SEMA4D: variants seen among roughly 807,000 people sequenced by gnomAD.
SEMA4D encodes semaphorin 4D.
SEMA4D carries 22 observed loss-of-function variants against 74.8 expected under a neutral mutation model. That is an observed-to-expected ratio of 0.29 (90% CI 0.21 to 0.42). The LOEUF is 0.42. SEMA4D is among the 10% of genes least tolerant of loss of function. The pLI is 1.00. For synonymous variants in SEMA4D, 445 were observed against 463.7 expected (o/e 0.96, Z 0.52); for missense variants, 937 against 1,118.4 (o/e 0.84, Z 2.31).
chr9:89,469,836 A>C (rs557971069), intron 1 of SEMA4D, among the ~76,000 whole-genome samples: 21 of 152,366 alleles, frequency 1.4e-4, no homozygotes, highest in African/African-American at 4.8e-4. Context: ...GCTTTCACCG[A>C]AAGTCGGAAG....
chr9:89,396,801 G>A lies in SEMA4D; in HGVS notation c.350C>T (p.Pro117Leu). The change falls in exon 6 of 16, where the codon CCA (proline) becomes CTA (leucine). Residue 117 changes from proline to leucine, a missense_variant. Coordinates refer to ENST00000422704, the MANE Select transcript of SEMA4D (RefSeq NM_001371194.2). ...ECLNYIRVLQ[P>L]LSATSLYVCG... The stretch of plus-strand genomic sequence containing the variant: ...CACGTAAAGGGAAGTGGCGCTGAGT[G>A]GCTGCAGCACCCGGATGTAGTTGAG... 2 of 1,614,030 alleles carry A rather than the reference G, an allele frequency of 1.2e-6. No homozygotes were observed. The highest frequency in any genetic ancestry group is 1.7e-6 in the Non-Finnish European group (2 of 1,179,934).
intron 6 of SEMA4D, among the ~76,000 whole-genome samples, 156 bp downstream of exon 6, chr9:89,396,581 G>A (rs570667692): frequency 6.6e-6 from 1 of 152,364 alleles, no homozygotes; most frequent in East Asian, 1.9e-4. Context: ...AAGACTTTCA[G>A]AGGGGCCACA....
intron 1 of SEMA4D, among the ~76,000 whole-genome samples, chr9:89,462,996 C>CAT (rs1394805728): frequency 4.2e-5 from 2 of 47,332 alleles, no homozygotes; most frequent in Non-Finnish European, 9.3e-5. Flanking sequence ...GAAAGAGAGG[C>CAT]ATGTAAGAGA....
chr9:89,368,465 A>G (rs1387270066), intron 16 of SEMA4D: 1 of 152,726 alleles, frequency 6.5e-6, no homozygotes, highest in East Asian at 1.9e-4. Flanking sequence ...AATCCTGGCC[A>G]TGGCCCCTCC....
chr9:89,447,260 T>C (rs992910470), intron 2 of SEMA4D, among the ~76,000 whole-genome samples: 1 of 151,932 alleles, frequency 6.6e-6, no homozygotes, highest in African/African-American at 2.4e-5. Flanking sequence ...GAGACCTCCA[T>C]ATCCCCGGCT....
At chr9:89,462,218 G>A (rs144470323) in intron 1 of SEMA4D, among the ~76,000 whole-genome samples, 1 of 152,204 alleles carries the variant, frequency 6.6e-6, no homozygotes, top group Non-Finnish European at 1.5e-5. Flanking sequence ...ATCGCTTGGT[G>A]TGAGTGCACT....
chr9:89,434,605 ACT>A (rs1297960148), intron 2 of SEMA4D, among the ~76,000 whole-genome samples: 1 of 151,806 alleles, frequency 6.6e-6, no homozygotes, highest in Non-Finnish European at 1.5e-5. Flanking sequence ...TCATAAGAAA[ACT>A]CTGTGATTAC....
Position 89,433,670 on chromosome 9 carries a change from T to C in SEMA4D, c.-244+22218A>G, listed in dbSNP as rs140812220. ...GCTTCTGATAGAAGCAATCAGGTTC[T>C]GCCCAAGTACAGGGTGGATACCACC... is the stretch of plus-strand genomic sequence containing the variant. On this transcript the variant is annotated intron_variant, in intron 2 of 15. Coordinates refer to ENST00000422704, the MANE Select transcript of SEMA4D (RefSeq NM_001371194.2). Among the ~76,000 whole-genome samples, 20 of 152,314 alleles carry C rather than the reference T, an allele frequency of 1.3e-4. No individual in the cohort carries two copies. In the East Asian group the frequency reaches 3.7e-3, roughly 28 times the overall value.
chr9:89,494,339 C>A (rs1028864386), intron 1 of SEMA4D, among the ~76,000 whole-genome samples: 18 of 152,218 alleles, frequency 1.2e-4, no homozygotes, highest in African/African-American at 3.6e-4. Context: ...ACGCCCCACC[C>A]TTTGCTAACT....
chr9:89,379,689 T>A, intron 15 of SEMA4D, 60 bp from the exon 16 acceptor site: 1 of 1,523,926 alleles, frequency 6.6e-7, no homozygotes, highest in South Asian at 1.3e-5. Flanking sequence ...TTTAACAACT[T>A]CTTTAAAATA....
At chr9:89,433,933 A>C (rs1339744472) in intron 2 of SEMA4D, among the ~76,000 whole-genome samples, 1 of 152,218 alleles carries the variant, frequency 6.6e-6, no homozygotes, top group East Asian at 1.9e-4. Flanking sequence ...ACTGGGTGAC[A>C]TGGATGCTAT....
chr9:89,444,653 A>C (rs1274664798), intron 2 of SEMA4D, among the ~76,000 whole-genome samples: 2 of 152,082 alleles, frequency 1.3e-5, no homozygotes, highest in Non-Finnish European at 2.9e-5. Flanking sequence ...TGTTAAAAGC[A>C]TTCTAGACAC....
chr9:89,437,978 C>T (rs935305406), intron 2 of SEMA4D, among the ~76,000 whole-genome samples: 2 of 152,226 alleles, frequency 1.3e-5, no homozygotes, highest in African/African-American at 4.8e-5. Flanking sequence ...GCGCCCTTCT[C>T]GCTGGAAGAT....
At chr9:89,483,736 C>CTG (rs1418254646) in intron 1 of SEMA4D, among the ~76,000 whole-genome samples, 3 of 127,304 alleles carry the variant, frequency 2.4e-5, no homozygotes, top group Admixed American at 7.7e-5. Flanking sequence ...CATCTGTGTG[C>CTG]TGTGTGTGTG....
At chr9:89,399,391 T>A (rs1414059411) in intron 4 of SEMA4D, 53 bp from the exon 5 acceptor site, 1 of 1,299,824 alleles carries the variant, frequency 7.7e-7, no homozygotes, top group African/African-American at 1.5e-5. Context: ...GATACTAGTA[T>A]AAAAATGCAC....
rs148299683 is a variant in SEMA4D at position 89,491,885 on chromosome 9, G to A, written c.-310+6034C>T. On this transcript the variant is annotated intron_variant, in intron 1 of 15. Transcript: ENST00000422704. ...CTGTGGGCCCCGGGGCCAAGAGGAGGCACAGCACACACCGAGAGTCAACAG... is the reference window on the plus strand; with the variant it reads ...CTGTGGGCCCCGGGGCCAAGAGGAGACACAGCACACACCGAGAGTCAACAG... 2.9e-3 allele frequency among the ~76,000 whole-genome samples: 438 copies of A among 152,100 alleles called. 2 individuals are homozygous for A. Among genetic ancestry groups the A allele is most frequent in the African/African-American group, 1.0e-2 (413 of 41,468 alleles).
intron 6 of SEMA4D, 68 bp downstream of exon 6, chr9:89,396,669 T>C: frequency 7.7e-7 from 1 of 1,303,480 alleles, no homozygotes; most frequent in Non-Finnish European, 1.1e-6. Flanking sequence ...ACGTCTGCTT[T>C]GAGCCCCCTT....
chr9:89,417,622 C>A (rs1271142421), intron 2 of SEMA4D, among the ~76,000 whole-genome samples: 2 of 152,196 alleles, frequency 1.3e-5, no homozygotes, highest in East Asian at 3.8e-4. Flanking sequence ...TAAGATTAAA[C>A]ACAAAATGGC....
At chr9:89,447,818 G>A (rs1236421156) in intron 2 of SEMA4D, among the ~76,000 whole-genome samples, 1 of 149,792 alleles carries the variant, frequency 6.7e-6, no homozygotes, top group East Asian at 2.0e-4. Flanking sequence ...GGACACCCAA[G>A]ACTTGCTCCT....
Sources: allele counts gnomAD v4.1 joint callset (sites outside exome capture counted in the v4.1 genomes callset), GRCh38; gene constraint gnomAD v4.1.1; transcripts MANE v1.5; gene names NCBI Gene and HGNC (gene_info 2026-07-23, HGNC 2026-07-21).